The following GOLGA8A variants were observed in gnomAD, a reference collection of about 807,000 sequenced individuals.
GOLGA8A encodes golgin subfamily A member 8A.
Under a neutral mutation model 22.1 loss-of-function variants are expected in GOLGA8A, and 3 were observed. That is an observed-to-expected ratio of 0.14 (90% confidence interval 0.06 to 0.35). The LOEUF (loss-of-function observed/expected upper bound fraction) is 0.35, where lower values mean the gene tolerates loss of function less well. Among genes scored for constraint, GOLGA8A ranks in the 10% least tolerant of loss-of-function variants. The pLI, the probability that GOLGA8A is intolerant of heterozygous loss-of-function variation, is 1.00. For missense variants in GOLGA8A, 16 were observed against 233.2 expected (o/e 0.07, Z 6.07); for synonymous variants, 7 against 91.7 (o/e 0.08, Z 5.28).
At chr15:34,434,599 G>A (rs1460675380) in intron 2 of GOLGA8A, among the ~76,000 whole-genome samples, 1 of 148,546 alleles carries the variant, frequency 6.7e-6, no homozygotes, top group Non-Finnish European at 1.5e-5. Context: ...GTGGGCAGCA[G>A]GGGGGTGGGG....
In GOLGA8A at chr15:34,381,294, A is replaced by T; in HGVS notation, c.*117T>A. The T allele has an allele frequency of 4.8e-6, 5 of 1,052,044 alleles. No individual in the cohort carries two copies. Among genetic ancestry groups the T allele is most frequent in the Non-Finnish European group, 4.2e-6 (3 of 706,450 alleles). 65.2% of individuals were successfully genotyped at this position (1,052,044 alleles called of 1,614,324 possible). On this transcript the variant is annotated 3_prime_UTR_variant, in exon 25 of 25. Transcript: ENST00000359187. Reference sequence around the variant, plus strand: ...CTTAAACTATAAATTAGAAACACAAATAATCATGAGTAGCTCTAACATTCA... The same window carrying T: ...CTTAAACTATAAATTAGAAACACAATTAATCATGAGTAGCTCTAACATTCA...
rs1021813851 is a variant in GOLGA8A, at chr15:34,432,992, G to A, written c.-1123+2391C>T. ...AACAACCACAGGCAAGAGGCCTCAC[G>A]CGGGTATTGCAGATGCTGAGAAAGA... On this transcript the variant is annotated intron_variant, in intron 2 of 24. Transcript: ENST00000359187. 6.7e-5 allele frequency among the ~76,000 whole-genome samples: 10 copies of A among 148,990 alleles called. 1 individual carries two copies. The highest frequency in any genetic ancestry group is 2.2e-4 in the African/African-American group (9 of 40,358).
chr15:34,420,376 T>C lies in GOLGA8A; in HGVS notation c.-1122-12641A>G, dbSNP rs542920113. 4.1e-4 allele frequency: 60 copies of C among 147,108 alleles called. 2 individuals carry two copies. The highest frequency in any genetic ancestry group is 1.3e-3 in the African/African-American group (52 of 39,452). 9.1% of individuals were successfully genotyped at this position (147,108 alleles called of 1,614,324 possible). On this transcript the variant is annotated intron_variant, in intron 2 of 24. Transcript: ENST00000359187. ...GCAGGGAAGATGGCCCAAGCCTGCTTTGAACTGTAAGGAGCACGCAGAACC... is the reference window on the plus strand; with the variant it reads ...GCAGGGAAGATGGCCCAAGCCTGCTCTGAACTGTAAGGAGCACGCAGAACC...
chr15:34,429,159 G>A (rs36002847), intron 2 of GOLGA8A, among the ~76,000 whole-genome samples: 2,189 of 145,790 alleles, frequency 0.015, 91 homozygotes, highest in African/African-American at 0.044. Context: ...CTCTCAACAC[G>A]CCCCTGACCG....
At chr15:34,413,006 A>G (rs1892492879) in intron 2 of GOLGA8A, among the ~76,000 whole-genome samples, 2 of 51,566 alleles carry the variant, frequency 3.9e-5, no homozygotes, top group Non-Finnish European at 5.7e-5. Flanking sequence ...AGGAAGTAGA[A>G]TGCGGGTGGC....
chr15:34,424,359 A>G (rs142799018), intron 2 of GOLGA8A, among the ~76,000 whole-genome samples: 113,536 of 121,004 alleles, frequency 0.94, 53,645 homozygotes, highest in South Asian at 0.98. Context: ...ACACCCCTCC[A>G]CGATGGACCC....
At chr15:34,435,138 G>T (rs538100737) in intron 2 of GOLGA8A, among the ~76,000 whole-genome samples, 2 of 149,546 alleles carry the variant, frequency 1.3e-5, no homozygotes, top group South Asian at 4.3e-4. Flanking sequence ...AGAGGACACG[G>T]AGGAGTGCCG....
chr15:34,423,916 C>T (rs535118431), intron 2 of GOLGA8A, among the ~76,000 whole-genome samples: 3 of 148,994 alleles, frequency 2.0e-5, no homozygotes, highest in South Asian at 2.2e-4. Context: ...GGGGTCCTCA[C>T]GTTTGGAGGA....
chr15:34,428,931 A>C (rs1452237811), intron 2 of GOLGA8A: 1 of 147,760 alleles, frequency 6.8e-6, no homozygotes, highest in African/African-American at 2.5e-5. Flanking sequence ...AGGGTAAAAT[A>C]AAACGTCTGC....
At position 34,430,734 on chromosome 15, in the gene GOLGA8A, C is replaced by T. The variant is rs138287131; in HGVS notation, c.-1123+4649G>A. On this transcript the variant is annotated intron_variant, in intron 2 of 24. Coordinates refer to ENST00000359187, the MANE Select transcript of GOLGA8A (RefSeq NM_181077.5). ...ACTGTAGCAGAACAGTTGCACACAT[C>T]TCATCTCCTCCATCCATAGTAACTC... Among the ~76,000 whole-genome samples the T allele has an allele frequency of 8.3e-3, 1,242 of 149,922 alleles. 89 individuals carry two copies. The highest frequency in any genetic ancestry group is 0.03 in the African/African-American group (1,219 of 40,630).
intron 2 of GOLGA8A, among the ~76,000 whole-genome samples, chr15:34,431,339 A>ATCTC (rs1410030407): frequency 8.2e-5 from 7 of 85,468 alleles, no homozygotes; most frequent in African/African-American, 2.6e-4. Context: ...ATATATATAT[A>ATCTC]TATATATCTC....
At chr15:34,437,049 G>C (rs1181838093) in intron 1 of GOLGA8A, among the ~76,000 whole-genome samples, 1 of 148,686 alleles carries the variant, frequency 6.7e-6, no homozygotes, top group African/African-American at 2.5e-5. Context: ...CCGGCGAGAC[G>C]CGAGCGGGCG....
chr15:34,380,001 C>T lies in GOLGA8A; in HGVS notation c.*1410G>A, dbSNP rs1334576687. 6.6e-6 allele frequency: 1 copy of T among 152,654 alleles called. No homozygotes were observed. The highest frequency in any genetic ancestry group is 2.4e-5 in the African/African-American group (1 of 41,466). 9.5% of individuals were successfully genotyped at this position (152,654 alleles called of 1,614,324 possible). The stretch of plus-strand genomic sequence containing the variant: ...TGTTTCCTGATAATACAGACATTCA[C>T]AAACAGTAGATTGCACCACAGTGTG... On this transcript the variant is annotated 3_prime_UTR_variant, in exon 25 of 25. Coordinates refer to ENST00000359187, the MANE Select transcript of GOLGA8A (RefSeq NM_181077.5).
In GOLGA8A at chr15:34,423,607, G is replaced by A. The variant is rs540068413; in HGVS notation, c.-1123+11776C>T. ...GCTCCTGCAGGGCGGACACTGCAAG[G>A]TCAACGCTAGAACATAAATGACAGG... On this transcript the variant is annotated intron_variant, in intron 2 of 24. Coordinates refer to ENST00000359187, the MANE Select transcript of GOLGA8A (RefSeq NM_181077.5). Among the ~76,000 whole-genome samples, 141 of 148,936 alleles carry A rather than the reference G, an allele frequency of 9.5e-4. 9 individuals carry two copies. Among genetic ancestry groups the A allele is most frequent in the African/African-American group, 3.4e-3 (137 of 40,420 alleles).
At chr15:34,429,549 CCA>C (rs1893134899) in intron 2 of GOLGA8A, among the ~76,000 whole-genome samples, 1 of 148,930 alleles carries the variant, frequency 6.7e-6, no homozygotes, top group African/African-American at 2.5e-5. Context: ...CTCACATCTT[CCA>C]GACTGTGCCT....
chr15:34,426,637 C>A (rs778185235), intron 2 of GOLGA8A, among the ~76,000 whole-genome samples: 10 of 138,662 alleles, frequency 7.2e-5, no homozygotes, highest in Non-Finnish European at 1.4e-4. Flanking sequence ...TTAGGCGCCA[C>A]CCCCGTTGAT....
chr15:34,429,437 C>A, intron 2 of GOLGA8A, among the ~76,000 whole-genome samples: 1 of 146,374 alleles, frequency 6.8e-6, no homozygotes, highest in East Asian at 2.0e-4. Context: ...TCCAGGCTGG[C>A]CCTTCTGCCG....
chr15:34,379,635 T>C lies in GOLGA8A; in HGVS notation c.*1776A>G, dbSNP rs1021269638. ...TAATCTCACATTTATAAAAGGATCA[T>C]GAGGCTGCCAAGTGCTAAAAATGGA... On this transcript the variant is annotated 3_prime_UTR_variant, in exon 25 of 25. Coordinates refer to ENST00000359187, the MANE Select transcript of GOLGA8A (RefSeq NM_181077.5). 6 of 152,654 alleles carry C rather than the reference T, an allele frequency of 3.9e-5. No homozygotes were observed. The highest frequency in any genetic ancestry group is 1.4e-4 in the African/African-American group (6 of 41,452). The allele number at this position is 152,654 out of a possible 1,614,324, so 9.5% of individuals were successfully genotyped here.
intron 2 of GOLGA8A, among the ~76,000 whole-genome samples, chr15:34,431,864 A>T (rs1303428857): frequency 6.7e-6 from 1 of 149,078 alleles, no homozygotes; most frequent in Admixed American, 6.8e-5. Flanking sequence ...GGCAATAGGA[A>T]TTTTTGAGCC....
Sources: allele counts gnomAD v4.1 joint callset (sites outside exome capture counted in the v4.1 genomes callset), GRCh38; gene constraint gnomAD v4.1.1; transcripts MANE v1.5; gene names NCBI Gene and HGNC (gene_info 2026-07-23, HGNC 2026-07-21).